The following TMF1 variants were observed in gnomAD, a reference collection of about 807,000 sequenced individuals.
TMF1 encodes the protein TATA element modulatory factor 1.
TMF1 carries 71 observed loss-of-function variants against 126.5 expected under a neutral mutation model. The ratio of observed to expected loss-of-function variants is 0.56; its 90% confidence interval spans 0.46 to 0.68. The LOEUF is 0.68. TMF1 is among the 30% of genes least tolerant of loss of function. The pLI is 0.00. For missense variants in TMF1, 1,259 were observed against 1,253.2 expected, an observed-to-expected ratio of 1.00 and a Z score of -0.07; for synonymous variants, 461 against 430.5, an observed-to-expected ratio of 1.07 and a Z score of -0.88.
chr3:69,043,028 T>A, intron 4 of TMF1, 116 bp from the exon 5 acceptor site: 1 of 724,720 alleles, frequency 1.4e-6, no homozygotes, highest in Non-Finnish European at 2.2e-6. Flanking sequence ...TAAGAATCTG[T>A]AAGTTTTGTT....
intron 13 of TMF1, among the ~76,000 whole-genome samples, chr3:69,026,898 AG>A (rs1403899783): frequency 6.6e-6 from 1 of 152,228 alleles, no homozygotes; most frequent in Non-Finnish European, 1.5e-5. Flanking sequence ...TAAATTCAAT[AG>A]GTAATTTAAA....
intron 13 of TMF1, among the ~76,000 whole-genome samples, chr3:69,027,695 A>C (rs1315968979): frequency 1.3e-5 from 2 of 151,728 alleles, no homozygotes; most frequent in African/African-American, 4.8e-5. Context: ...AAAAAAAAAA[A>C]ATCATGAAAA....
intron 2 of TMF1, 33 bp from the exon 3 acceptor site, chr3:69,044,628 C>T: frequency 1.4e-6 from 2 of 1,461,090 alleles, no homozygotes; most frequent in African/African-American, 1.4e-5. Flanking sequence ...AGTCAGAACG[C>T]TTAGCTTTAA....
intron 2 of TMF1, 63 bp downstream of exon 2, chr3:69,047,295 T>C: frequency 6.7e-7 from 1 of 1,487,182 alleles, no homozygotes. Context: ...AAGTATTTTT[T>C]AAAACAAATG....
chr3:69,046,060 G>A (rs1051524281), intron 2 of TMF1, among the ~76,000 whole-genome samples: 5 of 151,998 alleles, frequency 3.3e-5, no homozygotes, highest in Non-Finnish European at 2.9e-5. Flanking sequence ...TGTGAGCCGC[G>A]ATCGCACCAC....
chr3:69,051,201 C>T (rs1490782520), intron 1 of TMF1, among the ~76,000 whole-genome samples: 1 of 152,102 alleles, frequency 6.6e-6, no homozygotes, highest in Non-Finnish European at 1.5e-5. Context: ...TAAAAAAGCA[C>T]ATTACAGGCT....
At position 69,020,385 on chromosome 3, in the gene TMF1, C is replaced by T. The variant is rs1471145711; in HGVS notation, c.*2792G>A. 6.6e-6 allele frequency: 1 copy of T among 152,148 alleles called. No individual in the cohort carries two copies. The highest frequency in any genetic ancestry group is 2.4e-5 in the African/African-American group (1 of 41,442). The allele number at this position is 152,148 out of a possible 1,614,324, so 9.4% of individuals were successfully genotyped here. ...TAAGAAATGGTAGACTCAGTTTAGC[C>T]TCCCAAGAATTGGAAGGACATCTAC... On this transcript the variant is annotated 3_prime_UTR_variant, in exon 17 of 17. Transcript: ENST00000398559.
At chr3:69,046,155 A>G (rs1318597275) in intron 2 of TMF1, among the ~76,000 whole-genome samples, 7 of 152,190 alleles carry the variant, frequency 4.6e-5, no homozygotes, top group Non-Finnish European at 7.3e-5. Context: ...TAGAAAACCC[A>G]TAAGAATTTT....
chr3:69,027,765 C>G (rs965229644), intron 13 of TMF1, 135 bp downstream of exon 13: 1 of 505,134 alleles, frequency 2.0e-6, no homozygotes, highest in South Asian at 3.0e-5. Flanking sequence ...TCAAAATCAT[C>G]CTGGGCCACA....
In TMF1 at chr3:69,052,009, C is replaced by G. The variant is rs375612774; in HGVS notation, c.78G>C (p.Arg26Ser). 1 of 1,614,036 alleles carries G rather than the reference C, an allele frequency of 6.2e-7. No individual in the cohort carries two copies. The highest frequency in any genetic ancestry group is 8.5e-7 in the Non-Finnish European group (1 of 1,179,976). Residue 26 changes from arginine to serine, a missense_variant, in exon 1 of 17, where the codon AGG (arginine) becomes AGC (serine). Arg to Ser is a moderately radical substitution (Grantham distance 110). Coordinates refer to ENST00000398559, the MANE Select transcript of TMF1 (RefSeq NM_007114.3). ...GCTCCTCTTCCTGGATGTCCAGAAC[C>G]CTGTCAATAGACTTCTGGGCCTGGG... is the stretch of plus-strand genomic sequence containing the variant. ...ALSQAQKSID[R>S]VLDIQEEEPS...
intron 9 of TMF1, among the ~76,000 whole-genome samples, chr3:69,034,479 A>C (rs1027487207): frequency 6.6e-6 from 1 of 152,158 alleles, no homozygotes; most frequent in African/African-American, 2.4e-5. Flanking sequence ...TCTCAAAATA[A>C]AGAAATTAAA....
intron 1 of TMF1, 107 bp downstream of exon 1, chr3:69,051,838 G>A: frequency 7.5e-7 from 1 of 1,337,804 alleles, no homozygotes; most frequent in Non-Finnish European, 1.0e-6. Context: ...ATTACTTCCT[G>A]AAAACTCTCT....
At position 69,028,712 on chromosome 3, in the gene TMF1, A is replaced by G. The variant is rs543258104; in HGVS notation, c.2595-417T>C. Among the ~76,000 whole-genome samples, 3 of 74,902 alleles carry G rather than the reference A, an allele frequency of 4.0e-5. No homozygotes were observed. The South Asian group carries it at 1.2e-3, about 30-fold the overall frequency. The allele number at this position is 74,902 out of a possible 152,430, so 49.1% of individuals were successfully genotyped here. On this transcript the variant is annotated intron_variant, in intron 11 of 16. Coordinates refer to ENST00000398559, the MANE Select transcript of TMF1 (RefSeq NM_007114.3). ...TTTTTAAAAAGTAAAATTTCCAAGG[A>G]AGAACAGAGGGTTAAAAAATACTAA...
chr3:69,048,004 T>C lies in TMF1; in HGVS notation c.701A>G (p.His234Arg), dbSNP rs1179819476. The C allele has an allele frequency of 1.2e-6, 2 of 1,613,960 alleles. No homozygotes were observed. The highest frequency in any genetic ancestry group is 2.2e-5 in the East Asian group (1 of 44,884). Residue 234 changes from histidine (H) to arginine (R), a missense_variant, in exon 2 of 17, where the codon CAT (histidine) becomes CGT (arginine). Coordinates refer to ENST00000398559, the MANE Select transcript of TMF1 (RefSeq NM_007114.3). ...DIALEPKEQK[H>R]EDRQSNTPSP... ...AGGTGTATTGCTCTGCCTGTCTTCA[T>C]GTTTTTGTTCCTTAGGTTCCAAAGC...
chr3:69,052,062 G>A lies in TMF1; in HGVS notation c.25C>T (p.Leu9Phe), dbSNP rs892001817. MSWFNASQ[L>F]SSFAKQALSQ... is the part of the protein sequence containing the mutation. ...AGGGCCTGCTTAGCGAAGCTGGAGA[G>A]CTGGGAGGCGTTGAACCAACTCATC... Residue 9 changes from leucine to phenylalanine, a missense_variant, in exon 1 of 17, where the codon CTC (leucine) becomes TTC (phenylalanine). Leu to Phe is a conservative substitution (Grantham distance 22). Coordinates refer to ENST00000398559, the MANE Select transcript of TMF1 (RefSeq NM_007114.3). 1 of 1,612,658 alleles carries A rather than the reference G, an allele frequency of 6.2e-7. No homozygotes were observed. Among genetic ancestry groups the A allele is most frequent in the Non-Finnish European group, 8.5e-7 (1 of 1,179,628 alleles).
chr3:69,044,459 G>A (rs772826421), intron 3 of TMF1, 33 bp downstream of exon 3: 10 of 1,234,300 alleles, frequency 8.1e-6, no homozygotes, highest in Non-Finnish European at 1.2e-5. Flanking sequence ...TCCAGAAAAT[G>A]TGTAACATTA....
At chr3:69,043,914 CT>C in intron 3 of TMF1, 38 bp from the exon 4 acceptor site, 1 of 1,547,094 alleles carries the variant, frequency 6.5e-7, no homozygotes, top group Non-Finnish European at 8.8e-7. Context: ...AGGATGGTGT[CT>C]ATATATCCCA....
Position 69,047,898 on chromosome 3 carries a change from A to G in TMF1, c.807T>C (p.Ser269=), listed in dbSNP as rs774689435. Residue 269 remains serine, a synonymous_variant, in exon 2 of 17, where the codon AGT becomes AGC. Transcript: ENST00000398559. ...IEVLDHESVI[S]ESSASSRQET... ...CTTGTCTCGAGCTCGCTGAGCTCTC[A>G]CTTATTACACTTTCATGATCTAAAA... The G allele has an allele frequency of 1.2e-6, 2 of 1,613,882 alleles. No homozygotes were observed. The highest frequency in any genetic ancestry group is 1.7e-5 in the Admixed American group (1 of 60,016).
At chr3:69,023,352 A>G (rs1045382623) in intron 16 of TMF1, 32 bp from the exon 17 acceptor site, 2 of 1,548,180 alleles carry the variant, frequency 1.3e-6, no homozygotes, top group Non-Finnish European at 1.8e-6. Context: ...AATTTTTAAA[A>G]TAACTACACA....
Sources: gnomAD v4.1 joint callset for allele counts (sites outside exome capture counted in the v4.1 genomes callset) on GRCh38, gnomAD v4.1.1 for gene constraint, MANE v1.5 for transcripts, NCBI Gene and HGNC (gene_info 2026-07-23, HGNC 2026-07-21) for gene names.